Variants in MCMDC2 observed in about 807,000 individuals in gnomAD.
MCMDC2 encodes the protein minichromosome maintenance domain containing 2.
A neutral mutation model predicts 75.8 loss-of-function variants in MCMDC2; 54 were observed. The ratio of observed to expected loss-of-function variants is 0.71; its 90% confidence interval spans 0.57 to 0.89. The LOEUF (loss-of-function observed/expected upper bound fraction) is 0.89. Ranked by LOEUF, MCMDC2 falls within the 40% of genes least tolerant of loss-of-function variation. MCMDC2 has a pLI of 0.00. For missense variants in MCMDC2, 656 were observed against 780.4 expected (o/e 0.84, Z 1.90); for synonymous variants, 249 against 274.6 (o/e 0.91, Z 0.92).
intron 9 of MCMDC2, among the ~76,000 whole-genome samples, chr8:66,886,093 G>T (rs1325064012): frequency 6.7e-6 from 1 of 148,912 alleles, no homozygotes; most frequent in African/African-American, 2.5e-5. Flanking sequence ...TTGTGGACAT[G>T]TATTTTCATT....
chr8:66,874,402 G>A lies in MCMDC2; in HGVS notation c.171G>A (p.Glu57=), dbSNP rs1811175195. Residue 57 remains glutamate, a synonymous_variant, in exon 3 of 15, where the codon GAG becomes GAA. Coordinates refer to ENST00000422365, the MANE Select transcript of MCMDC2 (RefSeq NM_173518.5). ...NPSDVVELDA[E]LGNHILHQPL... is the part of the protein sequence containing the mutation. ...CTGATGTTGTTGAATTAGATGCTGAGCTTGGAAATCACATTTTACACCAAC... is the reference window on the plus strand; with the variant it reads ...CTGATGTTGTTGAATTAGATGCTGAACTTGGAAATCACATTTTACACCAAC... The A allele has an allele frequency of 6.2e-7, 1 of 1,613,738 alleles. No homozygotes were observed. The highest frequency in any genetic ancestry group is 8.5e-7 in the Non-Finnish European group (1 of 1,179,954).
chr8:66,875,176 T>C (rs1289660914), intron 4 of MCMDC2, among the ~76,000 whole-genome samples: 1 of 152,234 alleles, frequency 6.6e-6, no homozygotes, highest in Non-Finnish European at 1.5e-5. Context: ...TTTTCATACC[T>C]GCATCATCAA....
At chr8:66,909,406 G>A (rs887435906) in intron 14 of MCMDC2, among the ~76,000 whole-genome samples, 1 of 152,310 alleles carries the variant, frequency 6.6e-6, no homozygotes, top group East Asian at 1.9e-4. Context: ...GGCAGAGGGT[G>A]GAACAGTTTG....
Position 66,905,220 on chromosome 8 carries a change from T to A in MCMDC2, c.1770-6T>A. Reference sequence around the variant, plus strand: ...TATTTTCTTTGGCAACTATTTTCTTTTTTAGCGTTTTCCTATCTGAAGCCC... The same window carrying A: ...TATTTTCTTTGGCAACTATTTTCTTATTTAGCGTTTTCCTATCTGAAGCCC... On this transcript the variant is annotated splice_region_variant and splice_polypyrimidine_tract_variant and intron_variant, in intron 13 of 14. Transcript: ENST00000422365. The A allele has an allele frequency of 7.1e-7, 1 of 1,412,864 alleles. No homozygotes were observed. Among genetic ancestry groups the A allele is most frequent in the Non-Finnish European group, 9.2e-7 (1 of 1,081,240 alleles). 87.5% of individuals were successfully genotyped at this position (1,412,864 alleles called of 1,614,324 possible). A position where few individuals can be genotyped will look rare whatever the true frequency, so the allele number is the denominator to read the frequency against.
At chr8:66,899,926 A>G (rs1234859131) in intron 12 of MCMDC2, among the ~76,000 whole-genome samples, 4 of 151,242 alleles carry the variant, frequency 2.6e-5, no homozygotes, top group Non-Finnish European at 3.0e-5. Flanking sequence ...GTTCGAGACC[A>G]GCCTGGCCAA....
intron 14 of MCMDC2, among the ~76,000 whole-genome samples, chr8:66,909,717 A>C (rs1164520689): frequency 6.6e-6 from 1 of 152,202 alleles, no homozygotes; most frequent in East Asian, 1.9e-4. Flanking sequence ...TGAAGTTTGG[A>C]AATTTTGCAG....
At chr8:66,872,329 G>A (rs1249599567) in intron 1 of MCMDC2, among the ~76,000 whole-genome samples, 1 of 152,070 alleles carries the variant, frequency 6.6e-6, no homozygotes, top group East Asian at 1.9e-4. Context: ...TGAAATAGTC[G>A]TCTATCAAAT....
Position 66,899,170 on chromosome 8 carries a change from A to T in MCMDC2, c.1627-2036A>T, listed in dbSNP as rs1563382246. ...GATGGAGTTTAGTGTGCCAATGTGT[A>T]TTTGAGAGGGCTTTTCTGTCAATAC... On this transcript the variant is annotated intron_variant, in intron 12 of 14. Coordinates refer to ENST00000422365, the MANE Select transcript of MCMDC2 (RefSeq NM_173518.5). Among the ~76,000 whole-genome samples, 4 of 152,214 alleles carry T rather than the reference A, an allele frequency of 2.6e-5. No homozygotes were observed. In the East Asian group the frequency reaches 5.8e-4, roughly 22 times the overall value.
intron 4 of MCMDC2, 78 bp downstream of exon 4, chr8:66,874,664 A>C: frequency 8.0e-7 from 1 of 1,253,784 alleles, no homozygotes; most frequent in Non-Finnish European, 1.1e-6. Context: ...TTATATTCAT[A>C]GACTTTTTAT....
At chr8:66,923,160 C>T (rs1251729162), downstream of MCMDC2, among the ~76,000 whole-genome samples, 3 of 152,142 alleles carry the variant, frequency 2.0e-5, no homozygotes, top group Non-Finnish European at 4.4e-5. Flanking sequence ...AGCTATGAGC[C>T]AGGTTAGATG....
At chr8:66,897,362 G>A (rs1812406232) in intron 12 of MCMDC2, among the ~76,000 whole-genome samples, 3 of 149,064 alleles carry the variant, frequency 2.0e-5, no homozygotes, top group African/African-American at 5.0e-5. Flanking sequence ...AGCCGAGATC[G>A]CACCACTGCA....
At chr8:66,883,660 A>G in intron 8 of MCMDC2, 97 bp from the exon 9 acceptor site, 1 of 679,828 alleles carries the variant, frequency 1.5e-6, no homozygotes, top group East Asian at 2.7e-5. Flanking sequence ...TATTGGAACT[A>G]TAATTTGATA....
In MCMDC2 at chr8:66,877,530, G is replaced by T; in HGVS notation, c.467G>T (p.Cys156Phe). ...AGATTTCTTTGTTCAGATGAAGCAT[G>T]CCCTCTTTCAAAAGGTAAATGTTAA... ...GARFLCSDEA[C>F]PLSKGFQYIR... The change falls in exon 5 of 15, where the codon TGC becomes TTC. Residue 156 changes from cysteine (C) to phenylalanine (F), a missense_variant. Physicochemically the swap from Cys to Phe is radical, Grantham distance 205. Transcript: ENST00000422365. 6.3e-7 allele frequency: 1 copy of T among 1,597,376 alleles called. No homozygotes were observed. Among genetic ancestry groups the T allele is most frequent in the Non-Finnish European group, 8.5e-7 (1 of 1,175,190 alleles).
At chr8:66,923,357 G>A (rs1418109179), downstream of MCMDC2, among the ~76,000 whole-genome samples, 1 of 152,062 alleles carries the variant, frequency 6.6e-6, no homozygotes, top group African/African-American at 2.4e-5. Flanking sequence ...CAGCCCAGGA[G>A]AATAAATCAT....
rs1162737229 is a variant in MCMDC2, at chr8:66,919,190, T to C, written c.*21T>C. ...AATAAGCAATTTGAGGAATTTTTGTTCATTCCTACTTAAGCAGTGGAGAAA... is the reference window on the plus strand; with the variant it reads ...AATAAGCAATTTGAGGAATTTTTGTCCATTCCTACTTAAGCAGTGGAGAAA... On this transcript the variant is annotated 3_prime_UTR_variant, in exon 15 of 15. Transcript: ENST00000422365. 6.5e-7 allele frequency: 1 copy of C among 1,531,520 alleles called. No individual in the cohort carries two copies. 94.9% of individuals were successfully genotyped at this position (1,531,520 alleles called of 1,614,324 possible).
rs774865132 is a variant in MCMDC2 at position 66,896,842 on chromosome 8, G to C, written c.1509G>C (p.Glu503Asp). Residue 503 changes from glutamate to aspartate, a missense_variant, in exon 12 of 15, where the codon GAG (glutamate) becomes GAC (aspartate). By Grantham distance (45) the Glu-to-Asp change is conservative. Transcript: ENST00000422365. ...TTGGTTTATTGATTAACTGCAACGAGTCATCTCCCTGCCACCCATTTCTTC... is the reference window on the plus strand; with the variant it reads ...TTGGTTTATTGATTAACTGCAACGACTCATCTCCCTGCCACCCATTTCTTC... ...EAFGLLINCN[E>D]SSPCHPFLPT... is the part of the protein sequence containing the mutation. 3 of 1,613,240 alleles carry C rather than the reference G, an allele frequency of 1.9e-6. No homozygotes were observed. The African/African-American group carries it at 4.0e-5, about 22-fold the overall frequency.
chr8:66,877,583 G>A (rs761022648), intron 5 of MCMDC2, 39 bp downstream of exon 5: 1 of 1,472,920 alleles, frequency 6.8e-7, no homozygotes, highest in Non-Finnish European at 9.2e-7. Flanking sequence ...TTAAGCAATT[G>A]GCTAGGCATG....
intron 4 of MCMDC2, 143 bp from the exon 5 acceptor site, chr8:66,877,206 G>A (rs1203965540): frequency 4.1e-6 from 2 of 484,664 alleles, no homozygotes; most frequent in Non-Finnish European, 7.1e-6. Flanking sequence ...CTTGAATGTT[G>A]TTTCTCTAAT....
chr8:66,880,266 C>T (rs572151178), intron 7 of MCMDC2, among the ~76,000 whole-genome samples: 59 of 152,282 alleles, frequency 3.9e-4, no homozygotes, highest in African/African-American at 1.4e-3. Context: ...TGGTGGTTTA[C>T]ACCTGTAATC....
Sources: allele counts gnomAD v4.1 joint callset (sites outside exome capture counted in the v4.1 genomes callset), GRCh38; gene constraint gnomAD v4.1.1; transcripts MANE v1.5; gene names NCBI Gene and HGNC (gene_info 2026-07-23, HGNC 2026-07-21).